Variants in GRID2 observed in about 807,000 individuals in gnomAD.
The protein encoded by GRID2 is glutamate receptor ionotropic, delta-2.
A neutral mutation model predicts 114.8 loss-of-function variants in GRID2; 33 were observed. That is an observed-to-expected ratio of 0.29 (90% CI 0.22 to 0.38). The LOEUF is 0.38. Ranked by LOEUF, GRID2 falls within the 10% of genes least tolerant of loss-of-function variation. GRID2 has a pLI of 1.00. For missense variants in GRID2, 1,184 were observed against 1,257.7 expected, an observed-to-expected ratio of 0.94 and a Z score of 0.89; for synonymous variants, 505 against 449.9, an observed-to-expected ratio of 1.12 and a Z score of -1.55.
chr4:93,438,756 T>A (rs1721339946), intron 10 of GRID2, among the ~76,000 whole-genome samples: 1 of 152,048 alleles, frequency 6.6e-6, no homozygotes, highest in African/African-American at 2.4e-5. Context: ...TATGTATACA[T>A]GTGCCATGTT....
chr4:92,647,623 A>G (rs1261980184), intron 2 of GRID2, among the ~76,000 whole-genome samples: 1 of 149,770 alleles, frequency 6.7e-6, no homozygotes, highest in Non-Finnish European at 1.5e-5. Flanking sequence ...AGAATAGTTA[A>G]AAATTTCTAT....
At chr4:92,715,366 T>A (rs1335050864) in intron 2 of GRID2, among the ~76,000 whole-genome samples, 1 of 152,150 alleles carries the variant, frequency 6.6e-6, no homozygotes, top group Non-Finnish European at 1.5e-5. Context: ...ACTCCCACAT[T>A]TTCCTGCCTT....
chr4:93,022,614 T>C (rs1723485272), intron 2 of GRID2, among the ~76,000 whole-genome samples: 1 of 152,000 alleles, frequency 6.6e-6, no homozygotes, highest in Admixed American at 6.6e-5. Flanking sequence ...CTAAAACTTT[T>C]AATCAAAATG....
intron 7 of GRID2, among the ~76,000 whole-genome samples, chr4:93,233,456 C>T (rs1746389376): frequency 6.6e-6 from 1 of 151,782 alleles, no homozygotes; most frequent in African/African-American, 2.4e-5. Flanking sequence ...GATTCTTCTG[C>T]TTCAGCCTCC....
chr4:93,410,635 G>C (rs967574533), intron 9 of GRID2, among the ~76,000 whole-genome samples: 3 of 152,240 alleles, frequency 2.0e-5, no homozygotes, highest in African/African-American at 7.2e-5. Context: ...CCCAACTGGA[G>C]AGCAATGGCA....
chr4:92,740,399 A>T (rs1201466051), intron 2 of GRID2, among the ~76,000 whole-genome samples: 2 of 152,160 alleles, frequency 1.3e-5, no homozygotes, highest in Non-Finnish European at 2.9e-5. Flanking sequence ...CTTCAAGCAC[A>T]TCCTACATTT....
At chr4:92,703,694 T>C (rs1278801959) in intron 2 of GRID2, among the ~76,000 whole-genome samples, 1 of 150,998 alleles carries the variant, frequency 6.6e-6, no homozygotes, top group Non-Finnish European at 1.5e-5. Context: ...ACTTTGTATA[T>C]TGCCTAGCAC....
chr4:93,709,527 G>A (rs1728302487), intron 14 of GRID2, among the ~76,000 whole-genome samples: 1 of 151,986 alleles, frequency 6.6e-6, no homozygotes, highest in South Asian at 2.1e-4. Flanking sequence ...CTTGACCTTT[G>A]GGAGTTTGAT....
chr4:92,838,693 T>C (rs1438237630), intron 2 of GRID2: 1 of 152,096 alleles, frequency 6.6e-6, no homozygotes, highest in African/African-American at 2.4e-5. Flanking sequence ...GAAGCCCATG[T>C]TCTATTAGAC....
intron 13 of GRID2, among the ~76,000 whole-genome samples, chr4:93,528,116 T>G (rs1338183364): frequency 1.3e-5 from 2 of 151,986 alleles, no homozygotes; most frequent in Admixed American, 6.6e-5. Context: ...TGTGTATATA[T>G]GTGTGTGTAT....
At chr4:92,938,555 A>G (rs1188500117) in intron 2 of GRID2, among the ~76,000 whole-genome samples, 1 of 144,422 alleles carries the variant, frequency 6.9e-6, no homozygotes, top group African/African-American at 2.4e-5. Context: ...GGGAGGATTA[A>G]TGTCAATATT....
intron 13 of GRID2, among the ~76,000 whole-genome samples, chr4:93,623,005 A>G (rs1209001764): frequency 1.3e-5 from 2 of 152,084 alleles, no homozygotes. Context: ...GTGATGTGAC[A>G]TAGTGCTCTA....
At chr4:93,042,287 CTCTCTCTCTCTCTA>C (rs1448955667) in intron 2 of GRID2, among the ~76,000 whole-genome samples, 3 of 84,100 alleles carry the variant, frequency 3.6e-5, no homozygotes, top group African/African-American at 9.1e-5. Context: ...CTCTCTCTCT[CTCTCTCTCTCTCTA>C]TATATATATA....
rs374546066 is a variant in GRID2, at chr4:92,852,716, C to CT, written c.245-232278dup. On this transcript the variant is annotated intron_variant, in intron 2 of 15. Transcript: ENST00000282020. ...GTCCTGGGTTTCTACACCATTTTTC[C>CT]TGTAGCTCCTCGTGGCGCACTCTTT... is the stretch of plus-strand genomic sequence containing the variant. Among the ~76,000 whole-genome samples the CT allele has an allele frequency of 2.5e-3, 375 of 151,938 alleles. 2 individuals are homozygous for CT. Among genetic ancestry groups the CT allele is most frequent in the African/African-American group, 8.6e-3 (356 of 41,506 alleles).
Position 92,665,308 on chromosome 4 carries a change from G to A in GRID2, c.244+75022G>A, listed in dbSNP as rs548594743. On this transcript the variant is annotated intron_variant, in intron 2 of 15. Coordinates refer to ENST00000282020, the MANE Select transcript of GRID2 (RefSeq NM_001510.4). Reference sequence around the variant, plus strand: ...AATAACAAAAAAAAAAAAAACCTCTGCTCCTTGGCAGCTTAGTTTCCACCC... The same window carrying A: ...AATAACAAAAAAAAAAAAAACCTCTACTCCTTGGCAGCTTAGTTTCCACCC... Among the ~76,000 whole-genome samples, 14 of 148,048 alleles carry A rather than the reference G, an allele frequency of 9.5e-5. No individual in the cohort carries two copies. In the South Asian group the frequency reaches 3.0e-3, roughly 31 times the overall value.
At chr4:93,056,000 C>T (rs1362593282) in intron 2 of GRID2, among the ~76,000 whole-genome samples, 1 of 151,794 alleles carries the variant, frequency 6.6e-6, no homozygotes, top group Non-Finnish European at 1.5e-5. Flanking sequence ...TTTCTGAATT[C>T]TTTGCTGCCT....
At chr4:93,499,847 G>A (rs1024194951) in intron 12 of GRID2, among the ~76,000 whole-genome samples, 1 of 151,918 alleles carries the variant, frequency 6.6e-6, no homozygotes, top group African/African-American at 2.4e-5. Context: ...CCCCATGAGA[G>A]ATATGTTATT....
rs538971532 is a variant in GRID2 at position 92,936,051 on chromosome 4, A to T, written c.245-148944A>T. Among the ~76,000 whole-genome samples, 31 of 146,558 alleles carry T rather than the reference A, an allele frequency of 2.1e-4. 3 individuals carry two copies. In the East Asian group the frequency reaches 2.8e-3, roughly 13 times the overall value. On this transcript the variant is annotated intron_variant, in intron 2 of 15. Transcript: ENST00000282020. ...AAAGTATAATAATAATAAAATAAAA[A>T]AAAGAAATTTAAATGCTGTCTACTT...
intron 1 of GRID2, among the ~76,000 whole-genome samples, chr4:92,365,973 G>A (rs770159083): frequency 1.3e-4 from 20 of 152,110 alleles, no homozygotes; most frequent in Non-Finnish European, 2.9e-4. Context: ...AAGAATTGCT[G>A]TAAAGATTAA....
Sources: allele counts gnomAD v4.1 joint callset (sites outside exome capture counted in the v4.1 genomes callset), GRCh38; gene constraint gnomAD v4.1.1; transcripts MANE v1.5; gene names NCBI Gene and HGNC (gene_info 2026-07-23, HGNC 2026-07-21).